Variants in SCN7A observed in about 807,000 individuals in gnomAD.
The protein encoded by SCN7A is sodium channel protein type 7 subunit alpha.
A neutral mutation model predicts 155.2 loss-of-function variants in SCN7A; 138 were observed. The observed-to-expected ratio is 0.89, with a 90% CI of 0.77 to 1.02. The LOEUF (loss-of-function observed/expected upper bound fraction) is 1.02, where lower values mean the gene tolerates loss of function less well. SCN7A is among the 50% of genes least tolerant of loss of function. The probability of loss-of-function intolerance (pLI) is 0.00; values close to 1 mark genes in which losing one functional copy is unlikely to be tolerated. For missense variants in SCN7A, 2,058 were observed against 1,986.6 expected (o/e 1.04, Z -0.68); for synonymous variants, 693 against 649.0 (o/e 1.07, Z -1.03).
intron 21 of SCN7A, among the ~76,000 whole-genome samples, chr2:166,415,285 A>AATGATCTC (rs1701351564): frequency 6.7e-6 from 1 of 148,390 alleles, no homozygotes; most frequent in African/African-American, 2.5e-5. Flanking sequence ...AGAGCAGTGG[A>AATGATCTC]ATGATCTCGG....
Position 166,474,215 on chromosome 2 carries a change from GA to G in SCN7A, c.353+10del. The G allele has an allele frequency of 7.8e-7, 1 of 1,289,174 alleles. No individual in the cohort carries two copies. Among genetic ancestry groups the G allele is most frequent in the Non-Finnish European group, 1.1e-6 (1 of 943,644 alleles). The allele number at this position is 1,289,174 out of a possible 1,614,324, so 79.9% of individuals were successfully genotyped here. ...ACAGTTTAAAGTCAACAAGTCAACA[GA>G]AAAGGATATGGATGTACCAAAACCT... On this transcript the variant is annotated intron_variant, in intron 4 of 25. Transcript: ENST00000643258.
At chr2:166,479,916 C>T (rs879838369) in intron 2 of SCN7A, among the ~76,000 whole-genome samples, 1 of 152,158 alleles carries the variant, frequency 6.6e-6, no homozygotes, top group Non-Finnish European at 1.5e-5. Context: ...CTACTTAGAG[C>T]TGTCTTCCCA....
rs755922482 is a variant in SCN7A, at chr2:166,465,739, G to A, written c.871+42C>T. On this transcript the variant is annotated intron_variant, in intron 8 of 25. Transcript: ENST00000643258. ...CTGGGAAGACTGCTTTGCCTTTAACGAAAGTTTCAATTTTTGATATACATG... is the reference window on the plus strand; with the variant it reads ...CTGGGAAGACTGCTTTGCCTTTAACAAAAGTTTCAATTTTTGATATACATG... The A allele has an allele frequency of 8.8e-6, 14 of 1,595,126 alleles. 1 individual carries two copies. The East Asian group carries it at 8.9e-5, about 10-fold the overall frequency.
intron 20 of SCN7A, among the ~76,000 whole-genome samples, chr2:166,418,336 T>A (rs1701436564): frequency 6.8e-6 from 1 of 146,286 alleles, no homozygotes; most frequent in South Asian, 2.2e-4. Flanking sequence ...TTCACCATGT[T>A]GGTCAGGTTG....
intron 15 of SCN7A, chr2:166,436,262 A>G (rs1022868772): frequency 9.0e-6 from 2 of 221,548 alleles, no homozygotes; most frequent in African/African-American, 4.7e-5. Flanking sequence ...TAACTGAATC[A>G]TGGGGGCAGT....
intron 25 of SCN7A, among the ~76,000 whole-genome samples, chr2:166,407,484 A>G (rs1417299422): frequency 6.6e-6 from 1 of 152,016 alleles, no homozygotes; most frequent in East Asian, 1.9e-4. Context: ...TGGAGGAATC[A>G]TGTCTCACAT....
intron 1 of SCN7A, among the ~76,000 whole-genome samples, chr2:166,487,856 G>A (rs1009780344): frequency 9.9e-5 from 15 of 152,154 alleles, no homozygotes; most frequent in African/African-American, 1.7e-4. Flanking sequence ...ATTTCATTCC[G>A]TGTGCAGCAG....
chr2:166,447,781 C>T (rs1702096459), intron 11 of SCN7A, 73 bp from the exon 12 acceptor site: 1 of 1,036,434 alleles, frequency 9.6e-7, no homozygotes. Flanking sequence ...AGGTGCACAG[C>T]CTTGCTAAAA....
At chr2:166,493,592 A>G (rs1318204951) in intron 1 of SCN7A, among the ~76,000 whole-genome samples, 2 of 152,224 alleles carry the variant, frequency 1.3e-5, no homozygotes, top group Non-Finnish European at 2.9e-5. Context: ...GATTCTTAGA[A>G]GAAGTGTACA....
rs1701055323 is a variant in SCN7A, at chr2:166,405,755, T to G, written c.4874A>C (p.Glu1625Ala). 6.2e-7 allele frequency: 1 copy of G among 1,613,004 alleles called. No individual in the cohort carries two copies. The highest frequency in any genetic ancestry group is 8.5e-7 in the Non-Finnish European group (1 of 1,179,326). The part of the protein sequence containing the change: ...PITTTLKRKQ[E>A]AVSATIIQRA... Reference sequence around the variant, plus strand: ...TTGAATGATGGTTGCTGAAACTGCCTCTTGTTTTCGTTTCAAAGTAGTCGT... The same window carrying G: ...TTGAATGATGGTTGCTGAAACTGCCGCTTGTTTTCGTTTCAAAGTAGTCGT... Residue 1625 changes from glutamate (E) to alanine (A), a missense_variant, in exon 26 of 26, where the codon GAG (glutamate) becomes GCG (alanine). Physicochemically the swap from Glu to Ala is moderately radical, Grantham distance 107. Transcript: ENST00000643258.
intron 4 of SCN7A, 138 bp downstream of exon 4, chr2:166,474,088 T>C (rs1468487898): frequency 3.8e-6 from 2 of 532,948 alleles, no homozygotes; most frequent in Non-Finnish European, 6.6e-6. Flanking sequence ...CTTAATGAAG[T>C]ATAATCTAGA....
rs1701624566 is a variant in SCN7A at position 166,426,354 on chromosome 2, C to G, written c.2853+1434G>C. On this transcript the variant is annotated intron_variant, in intron 18 of 25. Coordinates refer to ENST00000643258, the MANE Select transcript of SCN7A (RefSeq NM_002976.4). ...GTAGTATGGAGTATCTGGCAAGCCC[C>G]CTAGCGGGTATTTGTGTTTCCCATT... Among the ~76,000 whole-genome samples the G allele has an allele frequency of 2.0e-5, 3 of 152,076 alleles. No individual in the cohort carries two copies. In the South Asian group the frequency reaches 6.2e-4, roughly 31 times the overall value.
intron 11 of SCN7A, among the ~76,000 whole-genome samples, chr2:166,453,717 A>C (rs1702222291): frequency 1.3e-5 from 2 of 152,200 alleles, no homozygotes; most frequent in South Asian, 4.1e-4. Context: ...GCTTTTAGCC[A>C]ATATGACCAA....
At position 166,418,284 on chromosome 2, in the gene SCN7A, C is replaced by CTTT. The variant is rs71031244; in HGVS notation, c.3136-1302_3136-1300dup. ...TACAGGCACACGCCACCCCGCCAGG[C>CTTT]TTTTTTTTTTTTTTTTTTTTTTTTT... is the stretch of plus-strand genomic sequence containing the variant. On this transcript the variant is annotated intron_variant, in intron 20 of 25. Transcript: ENST00000643258. Among the ~76,000 whole-genome samples the CTTT allele has an allele frequency of 2.9e-3, 173 of 60,674 alleles. 26 individuals are homozygous for CTTT. In the East Asian group the frequency reaches 0.033, roughly 12 times the overall value. The allele number at this position is 60,674 out of a possible 152,430, so 39.8% of individuals were successfully genotyped here. A position where few individuals can be genotyped will look rare whatever the true frequency, so the allele number is the denominator to read the frequency against.
At position 166,427,896 on chromosome 2, in the gene SCN7A, C is replaced by A. The variant is rs373690926; in HGVS notation, c.2745G>T (p.Lys915Asn). 11 of 1,612,764 alleles carry A rather than the reference C, an allele frequency of 6.8e-6. No individual in the cohort carries two copies. In the African/African-American group the frequency reaches 1.5e-4, roughly 22 times the overall value. The part of the protein sequence containing the change: ...SSLGQISGAS[K>N]KGKIWQNIRK... The stretch of plus-strand genomic sequence containing the variant: ...TGATGTTCTGCCAGATTTTTCCTTT[C>A]TTGGATGCTCCACTGATTTGACCAA... The change falls in exon 18 of 26, where the codon AAG becomes AAT. Residue 915 changes from lysine (K) to asparagine (N), a missense_variant. Physicochemically the swap from Lys to Asn is moderately conservative, Grantham distance 94 (BLOSUM62 0). Transcript: ENST00000643258.
At chr2:166,470,583 A>AT (rs749079933) in intron 7 of SCN7A, 32 bp downstream of exon 7, 2 of 1,557,618 alleles carry the variant, frequency 1.3e-6, no homozygotes, top group Admixed American at 3.6e-5. Context: ...ATAAAACAAA[A>AT]TGAAGAAAAG....
In SCN7A at chr2:166,405,527, T is replaced by G. The variant is rs2105353188; in HGVS notation, c.*53A>C. On this transcript the variant is annotated 3_prime_UTR_variant, in exon 26 of 26. Transcript: ENST00000643258. The stretch of plus-strand genomic sequence containing the variant: ...CTTTTCTTTTATTCCTGGCTTAGGC[T>G]TTCAACATTTTTCAGATATGTGAAG... 7.6e-7 allele frequency: 1 copy of G among 1,315,830 alleles called. No individual in the cohort carries two copies. The highest frequency in any genetic ancestry group is 1.5e-5 in the South Asian group (1 of 68,802). The allele number at this position is 1,315,830 out of a possible 1,614,324, so 81.5% of individuals were successfully genotyped here. A position where few individuals can be genotyped will look rare whatever the true frequency, so the allele number is the denominator to read the frequency against.
chr2:166,412,853 T>C (rs1274377279), intron 22 of SCN7A, among the ~76,000 whole-genome samples, 186 bp from the exon 23 acceptor site: 3 of 152,126 alleles, frequency 2.0e-5, no homozygotes, highest in African/African-American at 7.2e-5. Context: ...ATTTCATTCA[T>C]TTAACCATTG....
intron 24 of SCN7A, 87 bp from the exon 25 acceptor site, chr2:166,410,022 C>G: frequency 7.6e-7 from 1 of 1,316,062 alleles, no homozygotes; most frequent in South Asian, 1.6e-5. Flanking sequence ...AACTTTCTTC[C>G]CAAAATAAAT....
Sources: allele counts gnomAD v4.1 joint callset (sites outside exome capture counted in the v4.1 genomes callset), GRCh38; gene constraint gnomAD v4.1.1; transcripts MANE v1.5; gene names NCBI Gene and HGNC (gene_info 2026-07-23, HGNC 2026-07-21).